The following R3HDM1 variants were observed in gnomAD, a reference collection of about 807,000 sequenced individuals.
R3HDM1 encodes R3H domain containing 1.
A neutral mutation model predicts 141.1 loss-of-function variants in R3HDM1; 46 were observed. That is an observed-to-expected ratio of 0.33 (90% CI 0.26 to 0.42). R3HDM1 has a LOEUF of 0.42. Among genes scored for constraint, R3HDM1 ranks in the 10% least tolerant of loss-of-function variants. R3HDM1 has a pLI of 1.00. For missense variants in R3HDM1, 1,184 were observed against 1,368.3 expected (o/e 0.87, Z 2.12); for synonymous variants, 435 against 472.9 (o/e 0.92, Z 1.04).
At chr2:135,534,693 T>C (rs1042377915) in intron 1 of R3HDM1, among the ~76,000 whole-genome samples, 2 of 152,228 alleles carry the variant, frequency 1.3e-5, no homozygotes, top group Admixed American at 1.3e-4. Flanking sequence ...TCATTGAACC[T>C]GGTACAAATG....
At chr2:135,614,699 A>G (rs1162351125) in intron 3 of R3HDM1, among the ~76,000 whole-genome samples, 2 of 152,366 alleles carry the variant, frequency 1.3e-5, no homozygotes, top group East Asian at 3.9e-4. Context: ...ACTTAAAATT[A>G]CAAGAGATTA....
At chr2:135,631,661 T>G in intron 7 of R3HDM1, 57 bp from the exon 8 acceptor site, 1 of 1,406,832 alleles carries the variant, frequency 7.1e-7, no homozygotes. Flanking sequence ...GCTGTTGACA[T>G]TTGTGATTAC....
intron 7 of R3HDM1, chr2:135,623,186 T>C: frequency 2.6e-6 from 1 of 383,714 alleles, no homozygotes; most frequent in Non-Finnish European, 3.6e-6. Context: ...AGTCAGTACT[T>C]TAATTGTGAA....
chr2:135,628,195 A>G (rs2062245489), intron 7 of R3HDM1, among the ~76,000 whole-genome samples: 1 of 152,172 alleles, frequency 6.6e-6, no homozygotes, highest in South Asian at 2.1e-4. Flanking sequence ...TTAACTTATG[A>G]CCATTATAAA....
chr2:135,591,441 A>G (rs965667403), intron 1 of R3HDM1, among the ~76,000 whole-genome samples: 27 of 152,230 alleles, frequency 1.8e-4, no homozygotes, highest in African/African-American at 5.8e-4. Flanking sequence ...AGGGTTTCTT[A>G]TAAATAGTCC....
chr2:135,609,444 G>T (rs1338762790), intron 3 of R3HDM1, among the ~76,000 whole-genome samples: 1 of 152,092 alleles, frequency 6.6e-6, no homozygotes, highest in Admixed American at 6.5e-5. Context: ...GTTGATTATG[G>T]TCTCAAATAA....
intron 1 of R3HDM1, among the ~76,000 whole-genome samples, chr2:135,575,153 C>T (rs1364391625): frequency 6.6e-6 from 1 of 152,104 alleles, no homozygotes; most frequent in Non-Finnish European, 1.5e-5. Context: ...ATTAAGGGTG[C>T]AATGAAAATA....
chr2:135,616,563 T>C, intron 4 of R3HDM1, 105 bp from the exon 5 acceptor site: 4 of 919,244 alleles, frequency 4.4e-6, no homozygotes, highest in East Asian at 2.7e-5. Flanking sequence ...TCTACTGTTA[T>C]ACATGGCAGA....
At chr2:135,564,345 A>C (rs1416332930) in intron 1 of R3HDM1, among the ~76,000 whole-genome samples, 1 of 152,238 alleles carries the variant, frequency 6.6e-6, no homozygotes, top group African/African-American at 2.4e-5. Flanking sequence ...TTTTTAAGAC[A>C]GTCTCACTCT....
At chr2:135,709,584 A>G (rs1423395605) in intron 22 of R3HDM1, 48 bp downstream of exon 22, 1 of 1,596,134 alleles carries the variant, frequency 6.3e-7, no homozygotes, top group South Asian at 1.1e-5. Flanking sequence ...TATGAGAAAT[A>G]GTTCGATTAC....
intron 1 of R3HDM1, among the ~76,000 whole-genome samples, chr2:135,568,308 A>C (rs1163750813): frequency 6.6e-6 from 1 of 151,954 alleles, no homozygotes; most frequent in Admixed American, 6.6e-5. Context: ...TTGGCCTCCC[A>C]AAGTGCTGGG....
rs2065406887 is a variant in R3HDM1, at chr2:135,653,619, C to T, written c.2028+1587C>T. On this transcript the variant is annotated intron_variant, in intron 18 of 26. Transcript: ENST00000683871. ...AAGTATGTTATTTAATTTCCAAATA[C>T]GTAGGGGCTTTCTAAATACCTTTTG... Among the ~76,000 whole-genome samples the T allele has an allele frequency of 2.0e-5, 3 of 152,024 alleles. 1 individual carries two copies. The highest frequency in any genetic ancestry group is 1.3e-4 in the Admixed American group (2 of 15,254).
intron 1 of R3HDM1, among the ~76,000 whole-genome samples, chr2:135,532,897 T>C (rs1695232827): frequency 6.6e-6 from 1 of 152,230 alleles, no homozygotes; most frequent in Non-Finnish European, 1.5e-5. Flanking sequence ...AATATGTCTT[T>C]AAATCATGGA....
chr2:135,573,079 A>C (rs1396062711), intron 1 of R3HDM1, among the ~76,000 whole-genome samples: 2 of 152,196 alleles, frequency 1.3e-5, no homozygotes, highest in Admixed American at 1.3e-4. Flanking sequence ...ATTGATTGTG[A>C]TTGTTACATA....
rs189128222 is a variant in R3HDM1 at position 135,703,431 on chromosome 2, C to T, written c.2460-6002C>T. Among the ~76,000 whole-genome samples, 3 of 152,270 alleles carry T rather than the reference C, an allele frequency of 2.0e-5. No homozygotes were observed. The East Asian group carries it at 5.8e-4, about 29-fold the overall frequency. ...TTTAGAATACAATTATGATATTCTG[C>T]AATCCAGCACCTGCCAGTGGCCTAA... is the stretch of plus-strand genomic sequence containing the variant. On this transcript the variant is annotated intron_variant, in intron 21 of 26. Coordinates refer to ENST00000683871, the MANE Select transcript of R3HDM1 (RefSeq NM_001378107.1).
At chr2:135,721,262 G>A (rs2076671165) in intron 24 of R3HDM1, among the ~76,000 whole-genome samples, 1 of 152,152 alleles carries the variant, frequency 6.6e-6, no homozygotes, top group Non-Finnish European at 1.5e-5. Flanking sequence ...AGGATTGCTG[G>A]AGGCCAGGAG....
chr2:135,594,905 C>T (rs1710224551), intron 1 of R3HDM1, among the ~76,000 whole-genome samples: 1 of 151,966 alleles, frequency 6.6e-6, no homozygotes, highest in South Asian at 2.1e-4. Context: ...ATTACCAAAT[C>T]ATGTATACTC....
chr2:135,663,868 A>T (rs1425957134), intron 19 of R3HDM1, among the ~76,000 whole-genome samples: 1 of 151,968 alleles, frequency 6.6e-6, no homozygotes, highest in African/African-American at 2.4e-5. Context: ...GTCTACTTTA[A>T]AAATACACAA....
intron 1 of R3HDM1, among the ~76,000 whole-genome samples, chr2:135,555,251 C>T (rs1423837934): frequency 1.3e-5 from 2 of 148,238 alleles, no homozygotes; most frequent in African/African-American, 5.0e-5. Context: ...GAGCCGAGAT[C>T]GAGCCACTGC....
Sources: gnomAD v4.1 joint callset for allele counts (sites outside exome capture counted in the v4.1 genomes callset) on GRCh38, gnomAD v4.1.1 for gene constraint, MANE v1.5 for transcripts, NCBI Gene and HGNC (gene_info 2026-07-23, HGNC 2026-07-21) for gene names.